ADGRL2: variants seen among roughly 807,000 people sequenced by gnomAD.
ADGRL2 encodes calcium-independent alpha-latrotoxin receptor 2.
ADGRL2 carries 44 observed loss-of-function variants against 157.4 expected under a neutral mutation model. The ratio of observed to expected loss-of-function variants is 0.28; its 90% CI spans 0.22 to 0.36. ADGRL2 has a LOEUF of 0.36. Among genes scored for constraint, ADGRL2 ranks in the 10% least tolerant of loss-of-function variants. The pLI is 1.00. For missense variants in ADGRL2, 1,510 were observed against 1,768.9 expected (o/e 0.85, Z 2.63); for synonymous variants, 585 against 624.7 (o/e 0.94, Z 0.95).
In ADGRL2 at chr1:81,990,874, C is replaced by G. The variant is rs746137263; in HGVS notation, c.4139C>G (p.Ser1380Cys). ...EDHLQSPNRD[S>C]LYTSMPNLRD... ...CACCTACAGTCCCCCAACAGAGACT[C>G]TCTTTATACAAGCATGCCCAATCTT... The change falls in exon 24 of 24, where the codon TCT becomes TGT. Residue 1380 changes from serine (S) to cysteine (C), a missense_variant. By Grantham distance (112) the Ser-to-Cys change is moderately radical. Around this residue, in one of 4 missense-constraint regions of ADGRL2, gnomAD observed 327 missense variants for 310.1 expected, o/e 1.05. Coordinates refer to ENST00000686636, the MANE Select transcript of ADGRL2 (RefSeq NM_001366006.2). The G allele has an allele frequency of 5.0e-6, 8 of 1,614,150 alleles. No individual in the cohort carries two copies. The highest frequency in any genetic ancestry group is 6.8e-6 in the Non-Finnish European group (8 of 1,180,022).
intron 1 of ADGRL2, among the ~76,000 whole-genome samples, chr1:81,444,488 C>T (rs1452387954): frequency 6.6e-6 from 1 of 152,186 alleles, no homozygotes; most frequent in African/African-American, 2.4e-5. Context: ...TAAAGACTCG[C>T]TTTCTGATTT....
At chr1:81,371,990 G>T (rs2076168352) in intron 1 of ADGRL2, among the ~76,000 whole-genome samples, 2 of 152,180 alleles carry the variant, frequency 1.3e-5, no homozygotes, top group African/African-American at 2.4e-5. Flanking sequence ...AGGCAGTCAT[G>T]TGAGAAGGGT....
chr1:81,921,795 A>G (rs761226401), intron 3 of ADGRL2, among the ~76,000 whole-genome samples: 7 of 152,172 alleles, frequency 4.6e-5, no homozygotes, highest in Admixed American at 6.5e-5. Context: ...AGTTTGGTTT[A>G]TATCATATGG....
At chr1:81,858,435 C>G (rs1449502018) in intron 2 of ADGRL2, among the ~76,000 whole-genome samples, 4 of 152,114 alleles carry the variant, frequency 2.6e-5, no homozygotes, top group African/African-American at 9.7e-5. Context: ...GTGCAAAGAA[C>G]TGAAACTAAG....
chr1:81,776,337 C>T (rs1461348690), intron 2 of ADGRL2, among the ~76,000 whole-genome samples: 3 of 152,038 alleles, frequency 2.0e-5, no homozygotes, highest in Non-Finnish European at 4.4e-5. Context: ...TACAGGCACG[C>T]ACCACCACAC....
At chr1:81,986,233 C>T (rs139997670) in intron 21 of ADGRL2, among the ~76,000 whole-genome samples, 18 of 152,054 alleles carry the variant, frequency 1.2e-4, no homozygotes, top group Admixed American at 3.3e-4. Flanking sequence ...ATTCTGTTGG[C>T]GATCAAAAAG....
intron 3 of ADGRL2, among the ~76,000 whole-genome samples, chr1:81,910,273 A>ATAATAATAATAC (rs1408035940): frequency 3.4e-5 from 5 of 147,788 alleles, no homozygotes; most frequent in African/African-American, 9.8e-5. Flanking sequence ...AATAATAATA[A>ATAATAATAATAC]TACTACAATT....
At chr1:81,858,863 C>A (rs2093297605) in intron 2 of ADGRL2, among the ~76,000 whole-genome samples, 1 of 152,098 alleles carries the variant, frequency 6.6e-6, no homozygotes, top group African/African-American at 2.4e-5. Flanking sequence ...TTCCTATTGG[C>A]TGTGGTTTAT....
chr1:81,390,106 G>C (rs1212774774), intron 1 of ADGRL2, among the ~76,000 whole-genome samples: 13 of 152,384 alleles, frequency 8.5e-5, no homozygotes, highest in African/African-American at 3.1e-4. Context: ...CTAGAAGTGA[G>C]GAAAACAAGG....
intron 1 of ADGRL2, among the ~76,000 whole-genome samples, chr1:81,356,154 T>C (rs1241607647): frequency 6.6e-6 from 1 of 152,196 alleles, no homozygotes; most frequent in Non-Finnish European, 1.5e-5. Context: ...CTCCCACCTC[T>C]AATATTTATA....
Position 81,969,318 on chromosome 1 carries a change from G to A in ADGRL2, c.2664G>A (p.Lys888=). Residue 888 remains lysine, a synonymous_variant, in exon 15 of 24, where the codon AAG becomes AAA. Coordinates refer to ENST00000686636, the MANE Select transcript of ADGRL2 (RefSeq NM_001366006.2). The stretch of plus-strand genomic sequence containing the variant: ...AGAGTGACCGAAATACTATTCACAA[G>A]AACCTTTGTATCAACCTTTTCATTG... ...GLQSDRNTIH[K]NLCINLFIAE... 2 of 1,613,940 alleles carry A rather than the reference G, an allele frequency of 1.2e-6. No homozygotes were observed. Among genetic ancestry groups the A allele is most frequent in the South Asian group, 1.1e-5 (1 of 91,080 alleles).
At chr1:81,936,213 C>T (rs1179743468) in intron 3 of ADGRL2, among the ~76,000 whole-genome samples, 1 of 151,922 alleles carries the variant, frequency 6.6e-6, no homozygotes, top group Non-Finnish European at 1.5e-5. Context: ...AAGAAATTCA[C>T]ACCCAACTGG....
At chr1:81,501,967 C>A in intron 2 of ADGRL2, 1 of 1,613,588 alleles carries the variant, frequency 6.2e-7, no homozygotes, top group Non-Finnish European at 8.5e-7. Flanking sequence ...GACCTTCTGG[C>A]AGCACTCCCT....
intron 1 of ADGRL2, among the ~76,000 whole-genome samples, chr1:81,829,922 C>T (rs1330076733): frequency 6.6e-6 from 1 of 152,172 alleles, no homozygotes; most frequent in Non-Finnish European, 1.5e-5. Flanking sequence ...CTATAGTGTG[C>T]ACTTGATCTG....
intron 3 of ADGRL2, among the ~76,000 whole-genome samples, chr1:81,922,313 C>G (rs2095000660): frequency 1.3e-5 from 2 of 152,214 alleles, no homozygotes; most frequent in East Asian, 1.9e-4. Context: ...TTTCTTTTTC[C>G]TTTCGGGCAT....
chr1:81,893,521 A>G (rs563912881), intron 2 of ADGRL2, among the ~76,000 whole-genome samples: 162 of 152,086 alleles, frequency 1.1e-3, no homozygotes, highest in Non-Finnish European at 1.8e-3. Context: ...TTTTCCTGCA[A>G]CTCCTTGTAA....
intron 11 of ADGRL2, among the ~76,000 whole-genome samples, chr1:81,959,646 CTT>C (rs1451701450): frequency 6.6e-6 from 1 of 152,088 alleles, no homozygotes; most frequent in African/African-American, 2.4e-5. Context: ...ATCCCATACT[CTT>C]TAAAAAACCA....
chr1:81,957,026 C>A (rs2149153142), intron 11 of ADGRL2, among the ~76,000 whole-genome samples: 1 of 151,876 alleles, frequency 6.6e-6, no homozygotes, highest in Non-Finnish European at 1.5e-5. Context: ...AATTCATAAT[C>A]TTAAATTTAT....
chr1:81,363,850 A>G (rs1557629610), intron 1 of ADGRL2, among the ~76,000 whole-genome samples: 1 of 152,162 alleles, frequency 6.6e-6, no homozygotes, highest in Non-Finnish European at 1.5e-5. Context: ...ACAACAATAT[A>G]AAAATGGAAG....
Sources: allele counts gnomAD v4.1 joint callset (sites outside exome capture counted in the v4.1 genomes callset), GRCh38; gene constraint gnomAD v4.1.1; regional missense constraint gnomAD v4.1.1; transcripts MANE v1.5; gene names NCBI Gene and HGNC (gene_info 2026-07-23, HGNC 2026-07-21).